Variants in NWD2 observed in about 807,000 individuals in gnomAD.
The protein encoded by NWD2 is NACHT and WD repeat domain containing 2.
A neutral mutation model predicts 132.7 loss-of-function variants in NWD2; 37 were observed. The observed-to-expected ratio is 0.28, with a 90% CI of 0.21 to 0.37. The LOEUF is 0.37. Ranked by LOEUF, NWD2 falls within the 10% of genes least tolerant of loss-of-function variation. The pLI is 1.00. For synonymous variants in NWD2, 705 were observed against 803.0 expected (o/e 0.88, Z 2.06); for missense variants, 1,592 against 2,122.4 (o/e 0.75, Z 4.91).
intron 3 of NWD2, among the ~76,000 whole-genome samples, chr4:37,414,741 G>A (rs1711536218): frequency 6.6e-6 from 1 of 151,964 alleles, no homozygotes; most frequent in African/African-American, 2.4e-5. Flanking sequence ...TAAAAGAATT[G>A]GATCAACACA....
At chr4:37,265,457 A>C (rs1215909927) in intron 1 of NWD2, among the ~76,000 whole-genome samples, 1 of 152,152 alleles carries the variant, frequency 6.6e-6, no homozygotes, top group East Asian at 1.9e-4. Context: ...TGGAGGTCAG[A>C]AGTCCGAATT....
intron 1 of NWD2, among the ~76,000 whole-genome samples, chr4:37,269,322 A>T (rs1388328001): frequency 6.6e-6 from 1 of 151,948 alleles, no homozygotes; most frequent in Non-Finnish European, 1.5e-5. Flanking sequence ...GGAGCAATGC[A>T]AAACTGATGT....
At chr4:37,313,642 A>G (rs141510895) in intron 1 of NWD2, among the ~76,000 whole-genome samples, 2 of 151,052 alleles carry the variant, frequency 1.3e-5, no homozygotes, top group Non-Finnish European at 2.9e-5. Flanking sequence ...GATGCTATTT[A>G]TCAAGTTGAG....
intron 3 of NWD2, among the ~76,000 whole-genome samples, chr4:37,402,975 C>T (rs543822315): frequency 6.6e-6 from 1 of 152,194 alleles, no homozygotes; most frequent in South Asian, 2.1e-4. Flanking sequence ...CTAAGAGGTC[C>T]CAACCCTAAT....
chr4:37,285,632 A>G (rs1246879856), intron 1 of NWD2, among the ~76,000 whole-genome samples: 3 of 152,192 alleles, frequency 2.0e-5, no homozygotes, highest in Admixed American at 2.0e-4. Flanking sequence ...TTGGAAAAGC[A>G]TATACACTTT....
In NWD2 at chr4:37,448,802, T is replaced by C. The variant is rs768906473; in HGVS notation, c.*1585T>C. The stretch of plus-strand genomic sequence containing the variant: ...TTCTGCTGTAGCCCTCATAGGGACA[T>C]TGGGAAGCAGTATAAGAAAAACTTC... On this transcript the variant is annotated 3_prime_UTR_variant, in exon 7 of 7. Coordinates refer to ENST00000309447, the MANE Select transcript of NWD2 (RefSeq NM_001144990.2). 1.2e-4 allele frequency: 19 copies of C among 152,310 alleles called. No homozygotes were observed. The highest frequency in any genetic ancestry group is 2.9e-4 in the African/African-American group (12 of 41,562). The allele number at this position is 152,310 out of a possible 1,614,324, so 9.4% of individuals were successfully genotyped here. A position where few individuals can be genotyped will look rare whatever the true frequency, so the allele number is the denominator to read the frequency against.
chr4:37,428,754 T>C (rs193132109), intron 3 of NWD2, among the ~76,000 whole-genome samples: 2 of 152,330 alleles, frequency 1.3e-5, no homozygotes, highest in East Asian at 3.9e-4. Flanking sequence ...TTTTTTAAGA[T>C]GGAGTCTCAC....
At chr4:37,378,262 C>G (rs527290790) in intron 3 of NWD2, among the ~76,000 whole-genome samples, 1 of 108,610 alleles carries the variant, frequency 9.2e-6, no homozygotes, top group Non-Finnish European at 1.9e-5. Context: ...ATTCTGCTCT[C>G]CTATATTGAT....
At chr4:37,397,463 G>A (rs2109314129) in intron 3 of NWD2, among the ~76,000 whole-genome samples, 1 of 152,298 alleles carries the variant, frequency 6.6e-6, no homozygotes, top group South Asian at 2.1e-4. Context: ...GGGCTTGAGA[G>A]ATAAAGACTG....
intron 3 of NWD2, among the ~76,000 whole-genome samples, chr4:37,404,247 G>C (rs1720952051): frequency 6.6e-6 from 1 of 152,158 alleles, no homozygotes; most frequent in African/African-American, 2.4e-5. Context: ...AATGTCATAG[G>C]AAGTACTCAG....
Position 37,444,499 on chromosome 4 carries a change from G to A in NWD2, c.2511G>A (p.Leu837=). The change falls in exon 7 of 7, where the codon CTG becomes CTA. Residue 837 remains leucine (L), a synonymous_variant. Coordinates refer to ENST00000309447, the MANE Select transcript of NWD2 (RefSeq NM_001144990.2). The surrounding 1 kb of genome is among the most constrained non-coding windows in gnomAD (Gnocchi z 4.8). ...TTAATCATCGGAAAATGTCTGAGCTGTTGTACCACTTGACGAGGTGTGGAA... is the reference window on the plus strand; with the variant it reads ...TTAATCATCGGAAAATGTCTGAGCTATTGTACCACTTGACGAGGTGTGGAA... ...FFVNHRKMSE[L]LYHLTRCGKT... The A allele has an allele frequency of 1.9e-6, 3 of 1,551,804 alleles. No individual in the cohort carries two copies. Among genetic ancestry groups the A allele is most frequent in the Non-Finnish European group, 2.6e-6 (3 of 1,147,014 alleles).
At chr4:37,284,849 T>G (rs557573542) in intron 1 of NWD2, among the ~76,000 whole-genome samples, 1 of 152,128 alleles carries the variant, frequency 6.6e-6, no homozygotes, top group African/African-American at 2.4e-5. Context: ...ATGGCTAGAG[T>G]CCTCTGGTGA....
At position 37,327,394 on chromosome 4, in the gene NWD2, A is replaced by G. The variant is rs142572358; in HGVS notation, c.240+1370A>G. Among the ~76,000 whole-genome samples the G allele has an allele frequency of 5.1e-3, 784 of 152,280 alleles. 6 individuals are homozygous for G. The highest frequency in any genetic ancestry group is 8.6e-3 in the Non-Finnish European group (588 of 68,020). Reference sequence around the variant, plus strand: ...GATACAGGCAAAGGAAAACTGTACTAGGCGAGGCCCATAGAATAAATTGAC... The same window carrying G: ...GATACAGGCAAAGGAAAACTGTACTGGGCGAGGCCCATAGAATAAATTGAC... On this transcript the variant is annotated intron_variant, in intron 2 of 6. Transcript: ENST00000309447.
At chr4:37,263,023 C>T (rs1472396076) in intron 1 of NWD2, among the ~76,000 whole-genome samples, 1 of 152,184 alleles carries the variant, frequency 6.6e-6, no homozygotes, top group East Asian at 1.9e-4. Flanking sequence ...ACCACCAGTG[C>T]TACTCTATCT....
At chr4:37,313,846 C>A (rs1235321079) in intron 1 of NWD2, among the ~76,000 whole-genome samples, 1 of 150,836 alleles carries the variant, frequency 6.6e-6, no homozygotes, top group East Asian at 1.9e-4. Flanking sequence ...TTACAGGCAC[C>A]TGCCCACACG....
intron 3 of NWD2, among the ~76,000 whole-genome samples, chr4:37,394,256 T>C (rs1347351298): frequency 5.9e-5 from 9 of 152,254 alleles, no homozygotes; most frequent in African/African-American, 1.7e-4. Context: ...ATATTTTCTT[T>C]ATATATTCAT....
intron 2 of NWD2, among the ~76,000 whole-genome samples, chr4:37,346,955 T>C (rs1003537518): frequency 1.3e-5 from 2 of 152,158 alleles, no homozygotes; most frequent in African/African-American, 2.4e-5. Context: ...ATTTATAGTT[T>C]ATAGCTAGAA....
chr4:37,390,968 C>A (rs1720669051), intron 3 of NWD2, among the ~76,000 whole-genome samples: 1 of 152,166 alleles, frequency 6.6e-6, no homozygotes, highest in Admixed American at 6.5e-5. Flanking sequence ...CAGAATTTAT[C>A]TGTTAAGTGT....
intron 1 of NWD2, among the ~76,000 whole-genome samples, chr4:37,248,407 C>T (rs1717287528): frequency 6.6e-6 from 1 of 152,164 alleles, no homozygotes; most frequent in Non-Finnish European, 1.5e-5. Flanking sequence ...TAGTCCCCAC[C>T]TCATGGAAGA....
Sources: allele counts gnomAD v4.1 joint callset (sites outside exome capture counted in the v4.1 genomes callset), GRCh38; gene constraint gnomAD v4.1.1; non-coding constraint Gnocchi (gnomAD v3.1); transcripts MANE v1.5; gene names NCBI Gene and HGNC (gene_info 2026-07-23, HGNC 2026-07-21).